Variants in RFX4 observed in about 807,000 individuals in gnomAD.
RFX4 encodes transcription factor RFX4.
RFX4 carries 10 observed loss-of-function variants against 95.0 expected under a neutral mutation model. That is an observed-to-expected ratio of 0.11 (90% CI 0.06 to 0.18). RFX4 has a LOEUF of 0.18. Ranked by LOEUF, RFX4 falls within the 10% of genes least tolerant of loss-of-function variation. RFX4 has a pLI of 1.00. For missense variants in RFX4, 640 were observed against 922.0 expected, an observed-to-expected ratio of 0.69 and a Z score of 3.96; for synonymous variants, 321 against 340.7, an observed-to-expected ratio of 0.94 and a Z score of 0.64.
At chr12:106,646,645 C>G (rs970546978) in intron 3 of RFX4, among the ~76,000 whole-genome samples, 1 of 152,094 alleles carries the variant, frequency 6.6e-6, no homozygotes, top group East Asian at 1.9e-4. Flanking sequence ...TCCATTGCCC[C>G]ACATCAGCCA....
At chr12:106,721,147 C>T (rs950471835) in intron 13 of RFX4, among the ~76,000 whole-genome samples, 18 of 152,222 alleles carry the variant, frequency 1.2e-4, no homozygotes, top group African/African-American at 4.3e-4. Context: ...CTGTACTCCC[C>T]ATGCCTAGAT....
At chr12:106,623,400 G>C (rs1279581658) in intron 2 of RFX4, among the ~76,000 whole-genome samples, 1 of 152,090 alleles carries the variant, frequency 6.6e-6, no homozygotes, top group East Asian at 1.9e-4. Flanking sequence ...TCAAAGACTT[G>C]CCACTGGAGA....
At chr12:106,709,521 T>G in intron 9 of RFX4, 91 bp downstream of exon 9, 1 of 899,184 alleles carries the variant, frequency 1.1e-6, no homozygotes, top group South Asian at 1.7e-5. Context: ...CAGCAGCTAC[T>G]GTTTACTGGT....
intron 13 of RFX4, among the ~76,000 whole-genome samples, chr12:106,723,191 A>G (rs1470253885): frequency 6.6e-6 from 1 of 152,220 alleles, no homozygotes; most frequent in Non-Finnish European, 1.5e-5. Context: ...TCACTGAAAG[A>G]ACCTATGCTG....
chr12:106,655,313 GTTGA>G (rs2040935262), intron 4 of RFX4, among the ~76,000 whole-genome samples: 1 of 152,196 alleles, frequency 6.6e-6, no homozygotes, highest in South Asian at 2.1e-4. Context: ...ACATTTTTGT[GTTGA>G]TTAACATGAT....
In RFX4 at chr12:106,737,162, GTTTTTTTTTTTTTTTT is replaced by G. The variant is rs556116618; in HGVS notation, c.1633+4102_1633+4117del. 7.0e-3 allele frequency among the ~76,000 whole-genome samples: 387 copies of G among 54,906 alleles called. 5 individuals carry two copies. The highest frequency in any genetic ancestry group is 0.047 in the South Asian group (66 of 1,398). 36.0% of individuals were successfully genotyped at this position (54,906 alleles called of 152,430 possible). ...TTTCCAGAATAGACTCGGAACTAAA[GTTTTTTTTTTTTTTTT>G]TTTTTTTTTTTTTTTTTTTTTTTTG... On this transcript the variant is annotated intron_variant, in intron 15 of 17. Coordinates refer to ENST00000392842, the MANE Select transcript of RFX4 (RefSeq NM_213594.3).
intron 8 of RFX4, among the ~76,000 whole-genome samples, chr12:106,708,808 T>C (rs963833879): frequency 1.1e-4 from 16 of 152,150 alleles, no homozygotes; most frequent in South Asian, 4.1e-4. Context: ...TCTAATATGG[T>C]CTTTGACTCT....
chr12:106,645,215 T>C (rs778062035), intron 3 of RFX4, among the ~76,000 whole-genome samples: 1 of 152,092 alleles, frequency 6.6e-6, no homozygotes, highest in Non-Finnish European at 1.5e-5. Flanking sequence ...GGTTAGTAAA[T>C]CCCAACTCAC....
chr12:106,627,486 G>A (rs535784650), intron 2 of RFX4, among the ~76,000 whole-genome samples: 5 of 152,176 alleles, frequency 3.3e-5, no homozygotes, highest in African/African-American at 7.2e-5. Flanking sequence ...GCAGTGAGCC[G>A]AGACCACGCC....
rs972993285 is a variant in RFX4, at chr12:106,750,860, G to C, written c.1935+67G>C. 11 of 1,406,936 alleles carry C rather than the reference G, an allele frequency of 7.8e-6. No individual in the cohort carries two copies. In the African/African-American group the frequency reaches 1.6e-4, roughly 20 times the overall value. The allele number at this position is 1,406,936 out of a possible 1,614,324, so 87.2% of individuals were successfully genotyped here. A position where few individuals can be genotyped will look rare whatever the true frequency, so the allele number is the denominator to read the frequency against. The stretch of plus-strand genomic sequence containing the variant: ...CTTGGTGCCAAATCTGGTTAACACA[G>C]TTCATAAACTGTTATGCATACTGTG... On this transcript the variant is annotated intron_variant, in intron 17 of 17. Coordinates refer to ENST00000392842, the MANE Select transcript of RFX4 (RefSeq NM_213594.3).
At chr12:106,648,356 T>C (rs1355559161) in intron 3 of RFX4, among the ~76,000 whole-genome samples, 2 of 151,900 alleles carry the variant, frequency 1.3e-5, no homozygotes, top group Non-Finnish European at 2.9e-5. Flanking sequence ...GAGGTATACG[T>C]GTGGGAAAGC....
intron 4 of RFX4, chr12:106,681,033 T>C (rs1012503015): frequency 6.6e-6 from 1 of 152,098 alleles, no homozygotes; most frequent in African/African-American, 2.4e-5. Context: ...ACAAACATCA[T>C]CTCCGTAAAC....
intron 3 of RFX4, among the ~76,000 whole-genome samples, chr12:106,649,787 T>G (rs1047706361): frequency 7.9e-5 from 12 of 152,194 alleles, no homozygotes; most frequent in African/African-American, 2.7e-4. Context: ...GTCCTCTCCT[T>G]CTGCATTTCT....
At chr12:106,723,857 G>C (rs529711338) in intron 13 of RFX4, among the ~76,000 whole-genome samples, 12 of 152,318 alleles carry the variant, frequency 7.9e-5, no homozygotes, top group Admixed American at 3.3e-4. Context: ...TAAAAACCCA[G>C]AGAAGAGAGG....
chr12:106,653,667 C>A (rs2040899142), intron 3 of RFX4, among the ~76,000 whole-genome samples: 1 of 152,158 alleles, frequency 6.6e-6, no homozygotes, highest in South Asian at 2.1e-4. Context: ...AATCATGGGG[C>A]CAACTTCCTC....
rs1213157724 is a variant in RFX4, at chr12:106,583,377, G to T, written c.43+14G>T. 4 of 1,568,398 alleles carry T rather than the reference G, an allele frequency of 2.6e-6. No individual in the cohort carries two copies. The highest frequency in any genetic ancestry group is 3.4e-6 in the Non-Finnish European group (4 of 1,162,774). ...TGGATTCCACAGGTTAGTCCTACTGGCGGGGTTGGGGGGATACATTGGGAG... is the reference window on the plus strand; with the variant it reads ...TGGATTCCACAGGTTAGTCCTACTGTCGGGGTTGGGGGGATACATTGGGAG... On this transcript the variant is annotated intron_variant, in intron 1 of 17. Transcript: ENST00000392842.
chr12:106,640,745 T>G (rs2040605084), intron 3 of RFX4, among the ~76,000 whole-genome samples: 1 of 148,638 alleles, frequency 6.7e-6, no homozygotes, highest in Non-Finnish European at 1.5e-5. Flanking sequence ...ACTCTGGGAG[T>G]GGGAGTTTCT....
At position 106,583,130 on chromosome 12, in the gene RFX4, T is replaced by A. The variant is rs1311141811; in HGVS notation, c.-191T>A. 1 of 480,046 alleles carries A rather than the reference T, an allele frequency of 2.1e-6. No homozygotes were observed. The highest frequency in any genetic ancestry group is 3.5e-6 in the Non-Finnish European group (1 of 283,730). The allele number at this position is 480,046 out of a possible 1,614,324, so 29.7% of individuals were successfully genotyped here. ...TCTCCCTCTCTCTCCTCTTTTCTTC[T>A]TTCTCTTTTCTTTCCTCTTCTTTTT... is the stretch of plus-strand genomic sequence containing the variant. On this transcript the variant is annotated 5_prime_UTR_variant, in exon 1 of 18. Coordinates refer to ENST00000392842, the MANE Select transcript of RFX4 (RefSeq NM_213594.3).
At chr12:106,687,935 G>A (rs186132954) in intron 6 of RFX4, among the ~76,000 whole-genome samples, 39 of 152,234 alleles carry the variant, frequency 2.6e-4, no homozygotes, top group African/African-American at 8.9e-4. Context: ...GGGATTTGGT[G>A]AAATAATAGT....
Sources: gnomAD v4.1 joint callset for allele counts (sites outside exome capture counted in the v4.1 genomes callset) on GRCh38, gnomAD v4.1.1 for gene constraint, MANE v1.5 for transcripts, NCBI Gene and HGNC (gene_info 2026-07-23, HGNC 2026-07-21) for gene names.